The following RMDN2 variants were observed in gnomAD, a reference collection of about 807,000 sequenced individuals.
RMDN2 encodes regulator of microtubule dynamics 2, also known as regulator of microtubule dynamics protein 2.
A neutral mutation model predicts 52.8 loss-of-function variants in RMDN2; 61 were observed. That is an observed-to-expected ratio of 1.16 (90% CI 0.94 to 1.43). The LOEUF (loss-of-function observed/expected upper bound fraction) is 1.43, where lower values mean the gene tolerates loss of function less well. Among genes scored for constraint, RMDN2 ranks in the 40% most tolerant of loss-of-function variants. RMDN2 has a pLI of 0.00. For synonymous variants in RMDN2, 180 were observed against 153.1 expected, an observed-to-expected ratio of 1.18 and a Z score of -1.30; for missense variants, 592 against 475.3, an observed-to-expected ratio of 1.25 and a Z score of -2.28.
At chr2:37,958,004 A>G (rs1476994564) in intron 2 of RMDN2, among the ~76,000 whole-genome samples, 3 of 152,086 alleles carry the variant, frequency 2.0e-5, no homozygotes, top group Admixed American at 6.5e-5. Context: ...ATTGGTCTAT[A>G]TATCTGTTTT....
intron 10 of RMDN2, among the ~76,000 whole-genome samples, chr2:38,024,163 C>A (rs964921156): frequency 1.3e-5 from 2 of 152,018 alleles, no homozygotes; most frequent in African/African-American, 4.8e-5. Context: ...CAGAAATATA[C>A]CATAGTTTGC....
At chr2:38,007,480 A>G (rs913855508) in intron 10 of RMDN2, among the ~76,000 whole-genome samples, 5 of 152,132 alleles carry the variant, frequency 3.3e-5, no homozygotes. Context: ...CAGATTTTCT[A>G]GTTTATTTGC....
At chr2:38,037,606 G>C (rs1370237054) in intron 10 of RMDN2, among the ~76,000 whole-genome samples, 2 of 152,216 alleles carry the variant, frequency 1.3e-5, no homozygotes, top group Admixed American at 6.5e-5. Context: ...ATTAGGTGGT[G>C]ACTCAGTTTT....
chr2:37,958,978 C>T (rs761284295), intron 2 of RMDN2, among the ~76,000 whole-genome samples: 1 of 150,980 alleles, frequency 6.6e-6, no homozygotes, highest in Non-Finnish European at 1.5e-5. Flanking sequence ...TGTGTTGAAC[C>T]AGCCTCGCAT....
chr2:37,959,925 T>C (rs978760500), intron 2 of RMDN2, among the ~76,000 whole-genome samples: 5 of 144,484 alleles, frequency 3.5e-5, no homozygotes, highest in Non-Finnish European at 2.9e-5. Context: ...TTCAGGAGCA[T>C]GTTTTTCCAT....
chr2:37,995,874 C>A (rs115706664), intron 7 of RMDN2, among the ~76,000 whole-genome samples: 1 of 152,070 alleles, frequency 6.6e-6, no homozygotes, highest in Non-Finnish European at 1.5e-5. Context: ...CCATTTTATT[C>A]CTATTCTTTT....
intron 2 of RMDN2, among the ~76,000 whole-genome samples, chr2:37,931,267 G>T (rs1300262498): frequency 6.6e-6 from 1 of 152,194 alleles, no homozygotes; most frequent in African/African-American, 2.4e-5. Flanking sequence ...TCAGAAAAGA[G>T]ACCTAGTAGT....
chr2:37,947,743 G>A (rs1668339156), intron 2 of RMDN2, among the ~76,000 whole-genome samples: 1 of 152,186 alleles, frequency 6.6e-6, no homozygotes, highest in African/African-American at 2.4e-5. Context: ...TTCAATAGCT[G>A]AATTCAGAGT....
intron 5 of RMDN2, among the ~76,000 whole-genome samples, chr2:37,985,267 A>G (rs144182815): frequency 1.4e-4 from 21 of 152,334 alleles, no homozygotes; most frequent in African/African-American, 2.4e-4. Flanking sequence ...CATAGCATCT[A>G]TGCTTTTCAT....
intron 2 of RMDN2, among the ~76,000 whole-genome samples, chr2:37,940,755 C>G (rs796658407): frequency 1.3e-5 from 2 of 152,070 alleles, no homozygotes; most frequent in African/African-American, 4.8e-5. Flanking sequence ...CATTTATGTT[C>G]TTCTCTAAAC....
chr2:37,932,954 G>A (rs1423739260), intron 2 of RMDN2, among the ~76,000 whole-genome samples: 71 of 151,542 alleles, frequency 4.7e-4, no homozygotes, highest in African/African-American at 1.7e-3. Flanking sequence ...TGGCTGCCGG[G>A]CGGAGACGCT....
chr2:37,967,292 G>A (rs1671186839), intron 2 of RMDN2, among the ~76,000 whole-genome samples: 1 of 152,178 alleles, frequency 6.6e-6, no homozygotes. Context: ...TGCTAAAACT[G>A]TTGCATCAAG....
At chr2:37,943,074 A>G (rs1217769388) in intron 2 of RMDN2, among the ~76,000 whole-genome samples, 1 of 152,200 alleles carries the variant, frequency 6.6e-6, no homozygotes. Flanking sequence ...CATGAAAGGA[A>G]CTGCTAAAGG....
chr2:37,958,749 A>G (rs946349213), intron 2 of RMDN2, among the ~76,000 whole-genome samples: 1 of 150,852 alleles, frequency 6.6e-6, no homozygotes, highest in Non-Finnish European at 1.5e-5. Context: ...GCTTTTGCCC[A>G]TTCAGTATGA....
chr2:37,952,432 C>G (rs1668953076), intron 2 of RMDN2: 1 of 491,956 alleles, frequency 2.0e-6, no homozygotes, highest in East Asian at 3.0e-5. Context: ...TTGTTTCAAG[C>G]TTTTTTCAGA....
rs186320677 is a variant in RMDN2, at chr2:37,931,546, A to G, written c.452+1817A>G. On this transcript the variant is annotated intron_variant, in intron 2 of 10. Transcript: ENST00000354545. ...CAGTTCTGCTGAAGGAGTATAGACC[A>G]AAAGGGTGAATGGCCTTCAATCTAA... Among the ~76,000 whole-genome samples the G allele has an allele frequency of 2.6e-5, 4 of 152,352 alleles. No homozygotes were observed. The East Asian group carries it at 7.7e-4, about 29-fold the overall frequency.
intron 5 of RMDN2, among the ~76,000 whole-genome samples, chr2:37,982,582 T>C (rs1673465852): frequency 6.6e-6 from 1 of 152,208 alleles, no homozygotes; most frequent in Non-Finnish European, 1.5e-5. Flanking sequence ...GGGCTAAATC[T>C]GGCAGAACCT....
chr2:38,057,330 T>C (rs1444724880), intron 10 of RMDN2, among the ~76,000 whole-genome samples: 2 of 152,254 alleles, frequency 1.3e-5, no homozygotes, highest in African/African-American at 4.8e-5. Context: ...AGCATGGCTG[T>C]GCTCCAACAT....
At chr2:37,951,686 T>C in intron 2 of RMDN2, 1 of 1,612,908 alleles carries the variant, frequency 6.2e-7, no homozygotes, top group Non-Finnish European at 8.5e-7. Flanking sequence ...TTAATCTAAA[T>C]GAAATCGAAA....
Sources: gnomAD v4.1 joint callset for allele counts (sites outside exome capture counted in the v4.1 genomes callset) on GRCh38, gnomAD v4.1.1 for gene constraint, MANE v1.5 for transcripts, NCBI Gene and HGNC (gene_info 2026-07-23, HGNC 2026-07-21) for gene names.